The following PFKM variants were observed in gnomAD, a reference collection of about 807,000 sequenced individuals.
PFKM encodes the protein phosphofructokinase, muscle, also known as ATP-dependent 6-phosphofructokinase, muscle type.
PFKM carries 58 observed loss-of-function variants against 95.5 expected under a neutral mutation model. The ratio of observed to expected loss-of-function variants is 0.61; its 90% CI spans 0.49 to 0.76. The LOEUF (loss-of-function observed/expected upper bound fraction) is 0.76, where lower values mean the gene tolerates loss of function less well. PFKM is among the 30% of genes least tolerant of loss of function. PFKM has a pLI of 0.00. For missense variants in PFKM, 678 were observed against 1,005.4 expected (o/e 0.67, Z 4.40); for synonymous variants, 336 against 357.2 (o/e 0.94, Z 0.67).
chr12:48,134,662 T>C, intron 7 of PFKM, 59 bp from the exon 8 acceptor site: 1 of 1,162,452 alleles, frequency 8.6e-7, no homozygotes, highest in South Asian at 1.2e-5. Flanking sequence ...TTGTTGGGTA[T>C]GGGTGAGGCT....
intron 3 of PFKM, among the ~76,000 whole-genome samples, chr12:48,113,177 G>A (rs1051367798): frequency 1.3e-5 from 2 of 152,156 alleles, no homozygotes; most frequent in Non-Finnish European, 2.9e-5. Flanking sequence ...AAGTTGTCAC[G>A]AGAGTTGGGG....
At chr12:48,142,089 C>T (rs373610801) in intron 17 of PFKM, 23 bp downstream of exon 17, 103 of 1,611,942 alleles carry the variant, frequency 6.4e-5, no homozygotes, top group Non-Finnish European at 8.5e-5. Flanking sequence ...CACCACTTCC[C>T]ATCCCTTTTG....
intron 4 of PFKM, chr12:48,131,955 A>G (rs1949544139): frequency 6.6e-6 from 3 of 454,224 alleles, no homozygotes; most frequent in Non-Finnish European, 1.3e-5. Flanking sequence ...TGAGTGAGAG[A>G]AATACAATCA....
intron 2 of PFKM, chr12:48,107,533 C>CT: frequency 1.1e-6 from 1 of 913,682 alleles, no homozygotes; most frequent in Admixed American, 1.9e-5. Context: ...GGATGTGAGG[C>CT]TTTCTAGTGT....
At chr12:48,113,654 T>C (rs1467280082) in intron 3 of PFKM, among the ~76,000 whole-genome samples, 39 of 152,216 alleles carry the variant, frequency 2.6e-4, no homozygotes, top group Admixed American at 2.6e-3. Flanking sequence ...TCAGGCATTG[T>C]GAAGTTCTTG....
At position 48,142,020 on chromosome 12, in the gene PFKM, C is replaced by A. The variant is rs1366373089; in HGVS notation, c.1607C>A (p.Ser536Ter). The A allele has an allele frequency of 6.2e-7, 1 of 1,614,176 alleles. No individual in the cohort carries two copies. Among genetic ancestry groups the A allele is most frequent in the East Asian group, 2.2e-5 (1 of 44,888 alleles). ...ACAGTCTCCAACAATGTCCCTGGCT[C>A]AGACTTCAGCGTTGGGGCTGACACA... ...PATVSNNVPG[S>*]DFSVGADTAL... The change falls in exon 17 of 23, where the codon TCA becomes TAA. Residue 536 changes from serine (S) to a stop codon, truncating the protein, a stop_gained. Coordinates refer to ENST00000359794, the MANE Select transcript of PFKM (RefSeq NM_000289.6). LOFTEE classifies it high-confidence loss of function.
At position 48,139,813 on chromosome 12, in the gene PFKM, C is replaced by T. The variant is rs781716493; in HGVS notation, c.1128-36C>T. The stretch of plus-strand genomic sequence containing the variant: ...CATGGCTGCTGGCTGTGGGGAATGG[C>T]CTGAAGACACCTCTCTCTATTTGTA... On this transcript the variant is annotated intron_variant, in intron 12 of 22. Transcript: ENST00000359794. The T allele has an allele frequency of 2.1e-6, 3 of 1,408,606 alleles. No homozygotes were observed. The South Asian group carries it at 3.5e-5, about 16-fold the overall frequency. 87.3% of individuals were successfully genotyped at this position (1,408,606 alleles called of 1,614,324 possible). A position where few individuals can be genotyped will look rare whatever the true frequency, so the allele number is the denominator to read the frequency against.
chr12:48,125,152 C>T (rs1316196331), intron 2 of PFKM, among the ~76,000 whole-genome samples: 1 of 152,180 alleles, frequency 6.6e-6, no homozygotes, highest in Non-Finnish European at 1.5e-5. Context: ...TCCTAATTCC[C>T]TTTCCAGCCT....
intron 2 of PFKM, among the ~76,000 whole-genome samples, chr12:48,124,514 A>G (rs1383563864): frequency 6.6e-6 from 1 of 152,184 alleles, no homozygotes; most frequent in African/African-American, 2.4e-5. Context: ...AGGGAAAGAG[A>G]GAAAGAAAGG....
At chr12:48,134,003 G>A (rs1279729858) in intron 6 of PFKM, among the ~76,000 whole-genome samples, 8 of 152,080 alleles carry the variant, frequency 5.3e-5, no homozygotes, top group Admixed American at 2.6e-4. Flanking sequence ...TTCCTCCCTG[G>A]AACAGAGCCT....
chr12:48,142,305 T>C, intron 17 of PFKM: 1 of 540,410 alleles, frequency 1.9e-6, no homozygotes, highest in Non-Finnish European at 3.3e-6. Flanking sequence ...AAACCCCATC[T>C]CTACTAAAAA....
intron 2 of PFKM, 143 bp downstream of exon 2, chr12:48,123,002 AAGTG>A: frequency 1.4e-6 from 1 of 700,236 alleles, no homozygotes; most frequent in Non-Finnish European, 2.5e-6. Context: ...CTAAGTCCTC[AAGTG>A]CATTTGAATT....
At chr12:48,121,470 A>G (rs866502695) in intron 1 of PFKM, among the ~76,000 whole-genome samples, 1 of 152,212 alleles carries the variant, frequency 6.6e-6, no homozygotes, top group South Asian at 2.1e-4. Context: ...TTGTGAATGT[A>G]TGTCTTCATA....
chr12:48,117,011 C>G (rs183379923), upstream of PFKM, among the ~76,000 whole-genome samples: 6 of 152,284 alleles, frequency 3.9e-5, no homozygotes, highest in Admixed American at 3.9e-4. Context: ...CCCCTGTGCT[C>G]CACCTATTAA....
chr12:48,112,831 A>G (rs887495920), intron 3 of PFKM, among the ~76,000 whole-genome samples: 66 of 152,166 alleles, frequency 4.3e-4, no homozygotes, highest in African/African-American at 1.6e-3. Flanking sequence ...GTAACAGGTG[A>G]GTGATAACAG....
intron 10 of PFKM, 42 bp downstream of exon 10, chr12:48,135,425 C>T (rs924116088): frequency 3.5e-6 from 5 of 1,433,158 alleles, no homozygotes; most frequent in Non-Finnish European, 4.9e-6. Flanking sequence ...TTGAAACCCT[C>T]AACCTTGTAG....
intron 4 of PFKM, chr12:48,131,982 A>C (rs1430848154): frequency 2.4e-5 from 11 of 455,684 alleles, no homozygotes; most frequent in Non-Finnish European, 4.9e-5. Flanking sequence ...GGTTTACTGA[A>C]AATTTGTAAA....
chr12:48,105,835 A>G (rs924700864), upstream of PFKM: 20 of 597,326 alleles, frequency 3.3e-5, no homozygotes, highest in South Asian at 3.2e-4. Context: ...ACCGGCGGCC[A>G]CAGCGCGGCC....
At chr12:48,121,313 G>T (rs1948237162) in intron 1 of PFKM, among the ~76,000 whole-genome samples, 1 of 152,238 alleles carries the variant, frequency 6.6e-6, no homozygotes, top group Non-Finnish European at 1.5e-5. Flanking sequence ...ATGGAGCAGA[G>T]AATCTATAGG....
Sources: gnomAD v4.1 joint callset for allele counts (sites outside exome capture counted in the v4.1 genomes callset) on GRCh38, gnomAD v4.1.1 for gene constraint, MANE v1.5 for transcripts, NCBI Gene and HGNC (gene_info 2026-07-23, HGNC 2026-07-21) for gene names.